The following SNX13 variants were observed in gnomAD, a reference collection of about 807,000 sequenced individuals.
SNX13 encodes sorting nexin-13.
A neutral mutation model predicts 133.6 loss-of-function variants in SNX13; 45 were observed. That is an observed-to-expected ratio of 0.34 (90% CI 0.27 to 0.43). SNX13 has a LOEUF of 0.43. Among genes scored for constraint, SNX13 ranks in the 20% least tolerant of loss-of-function variants. The pLI is 1.00. For synonymous variants in SNX13, 414 were observed against 373.9 expected, an observed-to-expected ratio of 1.11 and a Z score of -1.24; for missense variants, 1,032 against 1,145.1, an observed-to-expected ratio of 0.90 and a Z score of 1.43.
intron 1 of SNX13, among the ~76,000 whole-genome samples, chr7:17,911,804 T>C (rs1799016684): frequency 6.6e-6 from 1 of 152,030 alleles, no homozygotes; most frequent in Non-Finnish European, 1.5e-5. Context: ...AGGATAGAAA[T>C]CAGAGAATCA....
intron 1 of SNX13, among the ~76,000 whole-genome samples, chr7:17,911,637 CA>C (rs77578497): frequency 0.14 from 16,508 of 118,496 alleles, 904 homozygotes; most frequent in African/African-American, 0.2. Context: ...GACTCTGTCT[CA>C]AAAAAAAAAA....
intron 9 of SNX13, among the ~76,000 whole-genome samples, chr7:17,862,023 C>G (rs566034031): frequency 1.2e-4 from 18 of 152,204 alleles, no homozygotes; most frequent in African/African-American, 4.3e-4. Flanking sequence ...CAGCTATTTG[C>G]TGCCCCCAAC....
At chr7:17,813,697 C>T (rs1209661494) in intron 20 of SNX13, among the ~76,000 whole-genome samples, 1 of 151,842 alleles carries the variant, frequency 6.6e-6, no homozygotes, top group Non-Finnish European at 1.5e-5. Flanking sequence ...AGCAATCCTC[C>T]CACCTCAGCC....
At chr7:17,798,809 A>G (rs1784327016) in intron 23 of SNX13, 51 bp from the exon 24 acceptor site, 1 of 1,385,456 alleles carries the variant, frequency 7.2e-7, no homozygotes, top group South Asian at 1.3e-5. Context: ...AGAAGGTGAA[A>G]AAAATAAACG....
At chr7:17,927,092 T>C (rs1800832088) in intron 1 of SNX13, among the ~76,000 whole-genome samples, 1 of 151,996 alleles carries the variant, frequency 6.6e-6, no homozygotes, top group African/African-American at 2.4e-5. Flanking sequence ...TTTTTTGTTT[T>C]AATAAGCTAA....
chr7:17,916,160 T>C (rs1427154943), intron 1 of SNX13, among the ~76,000 whole-genome samples: 3 of 150,434 alleles, frequency 2.0e-5, no homozygotes, highest in Non-Finnish European at 4.4e-5. Context: ...TTAAGAGGAC[T>C]AGACAGCACT....
At chr7:17,801,349 T>C (rs547727384) in intron 22 of SNX13, among the ~76,000 whole-genome samples, 1 of 151,850 alleles carries the variant, frequency 6.6e-6, no homozygotes, top group East Asian at 1.9e-4. Flanking sequence ...GTGATGGTCC[T>C]TGGTGGAGGC....
chr7:17,798,083 C>A lies in SNX13; in HGVS notation c.2513+607G>T, dbSNP rs778104638. Among the ~76,000 whole-genome samples, 4 of 151,822 alleles carry A rather than the reference C, an allele frequency of 2.6e-5. No homozygotes were observed. The South Asian group carries it at 8.3e-4, about 31-fold the overall frequency. On this transcript the variant is annotated intron_variant, in intron 24 of 25. Coordinates refer to ENST00000428135, the MANE Select transcript of SNX13 (RefSeq NM_015132.5). Reference sequence around the variant, plus strand: ...AAATACATGATGCCATGAATTTTTACGCATTGCTTATCTTCACTTTCAGAA... The same window carrying A: ...AAATACATGATGCCATGAATTTTTAAGCATTGCTTATCTTCACTTTCAGAA...
intron 18 of SNX13, among the ~76,000 whole-genome samples, chr7:17,819,929 A>G (rs906865895): frequency 1.3e-5 from 2 of 152,068 alleles, no homozygotes; most frequent in African/African-American, 2.4e-5. Context: ...ACACAAAAGG[A>G]AACACCAAGT....
intron 2 of SNX13, among the ~76,000 whole-genome samples, chr7:17,893,849 G>T (rs1796911886): frequency 6.6e-6 from 1 of 151,182 alleles, no homozygotes; most frequent in East Asian, 2.0e-4. Flanking sequence ...GCTTGCACCT[G>T]TAGTCCCAGC....
chr7:17,892,254 A>C (rs1796704698), intron 3 of SNX13, among the ~76,000 whole-genome samples: 1 of 152,044 alleles, frequency 6.6e-6, no homozygotes, highest in South Asian at 2.1e-4. Flanking sequence ...GAAACCACGG[A>C]TATTTTTTCA....
chr7:17,802,886 T>TA (rs79173948), intron 21 of SNX13, among the ~76,000 whole-genome samples: 26 of 150,148 alleles, frequency 1.7e-4, no homozygotes, highest in Middle Eastern at 3.2e-3. Context: ...TTAATGTAAT[T>TA]AAAAAAAAAA....
intron 1 of SNX13, chr7:17,899,506 T>G (rs1172442096): frequency 6.6e-6 from 1 of 151,950 alleles, no homozygotes; most frequent in East Asian, 1.9e-4. Context: ...CTTTTTATTC[T>G]TTTTTCTCCT....
At chr7:17,844,399 T>C (rs1479479263) in intron 12 of SNX13, among the ~76,000 whole-genome samples, 1 of 152,000 alleles carries the variant, frequency 6.6e-6, no homozygotes, top group Non-Finnish European at 1.5e-5. Context: ...GTAAGGAGAA[T>C]GAATCAGTAA....
intron 5 of SNX13, among the ~76,000 whole-genome samples, chr7:17,878,237 T>C (rs1475323311): frequency 1.3e-5 from 2 of 152,148 alleles, no homozygotes; most frequent in African/African-American, 4.8e-5. Context: ...GAATTCTTAG[T>C]AAAACAACCG....
chr7:17,823,014 C>A (rs1047906337), intron 17 of SNX13, among the ~76,000 whole-genome samples: 1 of 152,124 alleles, frequency 6.6e-6, no homozygotes, highest in Non-Finnish European at 1.5e-5. Context: ...CACTGAGCTG[C>A]CCTTTGTGAC....
Position 17,793,192 on chromosome 7 carries a change from G to T in SNX13, c.*853C>A, listed in dbSNP as rs893231832. 6.6e-6 allele frequency: 1 copy of T among 152,190 alleles called. No homozygotes were observed. Among genetic ancestry groups the T allele is most frequent in the African/African-American group, 2.4e-5 (1 of 41,394 alleles). The allele number at this position is 152,190 out of a possible 1,614,324, so 9.4% of individuals were successfully genotyped here. A position where few individuals can be genotyped will look rare whatever the true frequency, so the allele number is the denominator to read the frequency against. On this transcript the variant is annotated 3_prime_UTR_variant, in exon 26 of 26. Coordinates refer to ENST00000428135, the MANE Select transcript of SNX13 (RefSeq NM_015132.5). ...TTCCATATTTTTAGAAGGACAAAAT[G>T]TATTTGGCAGTTCTTCCAATAAATT... is the stretch of plus-strand genomic sequence containing the variant.
intron 1 of SNX13, among the ~76,000 whole-genome samples, chr7:17,937,086 A>G (rs1802167276): frequency 6.6e-6 from 1 of 151,568 alleles, no homozygotes; most frequent in Non-Finnish European, 1.5e-5. Context: ...CAAAAAAAAA[A>G]AAAATACATA....
chr7:17,940,395 T>C lies in SNX13; in HGVS notation c.-100A>G, dbSNP rs1246579968. ...TCGGGCCGCCGCCAACGGCGGCAAC[T>C]GCTCCTTCAGTCTTCTCCCGGGCGG... On this transcript the variant is annotated 5_prime_UTR_variant, in exon 1 of 26. Transcript: ENST00000428135. 2.9e-6 allele frequency: 4 copies of C among 1,370,462 alleles called. No individual in the cohort carries two copies. The highest frequency in any genetic ancestry group is 3.0e-6 in the Non-Finnish European group (3 of 985,686). The allele number at this position is 1,370,462 out of a possible 1,614,324, so 84.9% of individuals were successfully genotyped here. A position where few individuals can be genotyped will look rare whatever the true frequency, so the allele number is the denominator to read the frequency against.
Sources: gnomAD v4.1 joint callset for allele counts (sites outside exome capture counted in the v4.1 genomes callset) on GRCh38, gnomAD v4.1.1 for gene constraint, MANE v1.5 for transcripts, NCBI Gene and HGNC (gene_info 2026-07-23, HGNC 2026-07-21) for gene names.